The following KCNIP1 variants were observed in gnomAD, a reference collection of about 807,000 sequenced individuals.
KCNIP1 encodes A-type potassium channel modulatory protein KCNIP1.
Under a neutral mutation model 33.0 loss-of-function variants are expected in KCNIP1, and 18 were observed. That is an observed-to-expected ratio of 0.55 (90% CI 0.38 to 0.81). The LOEUF (loss-of-function observed/expected upper bound fraction) is 0.81, where lower values mean the gene tolerates loss of function less well. KCNIP1 is among the 30% of genes least tolerant of loss of function. KCNIP1 has a pLI of 0.00. For missense variants in KCNIP1, 238 were observed against 271.6 expected (o/e 0.88, Z 0.87); for synonymous variants, 93 against 98.3 (o/e 0.95, Z 0.32).
intron 1 of KCNIP1, among the ~76,000 whole-genome samples, chr5:170,461,852 A>T (rs1398438638): frequency 6.6e-6 from 1 of 152,124 alleles, no homozygotes; most frequent in Admixed American, 6.5e-5. Context: ...AAACAAAAAC[A>T]TATAGTGGGG....
chr5:170,691,542 GTAGGA>G (rs1160988810), intron 1 of KCNIP1, among the ~76,000 whole-genome samples: 1 of 152,172 alleles, frequency 6.6e-6, no homozygotes, highest in Non-Finnish European at 1.5e-5. Flanking sequence ...CAGGATACTG[GTAGGA>G]TTAGTTGAAA....
intron 1 of KCNIP1, among the ~76,000 whole-genome samples, chr5:170,411,303 T>C (rs1755182112): frequency 6.6e-6 from 1 of 152,204 alleles, no homozygotes; most frequent in Admixed American, 6.5e-5. Context: ...GAAGCTGAGG[T>C]TCAAAGATAT....
chr5:170,523,594 C>T (rs11953098), intron 1 of KCNIP1, among the ~76,000 whole-genome samples: 78,939 of 151,858 alleles, frequency 0.52, 21,821 homozygotes, highest in African/African-American at 0.72. Context: ...TCTCCTCCAC[C>T]CACTCCCTTA....
chr5:170,548,947 C>T (rs1014994285), intron 1 of KCNIP1, among the ~76,000 whole-genome samples: 43 of 152,134 alleles, frequency 2.8e-4, no homozygotes, highest in African/African-American at 8.2e-4. Flanking sequence ...ATGGGAGAAC[C>T]CTGATGCTGG....
intron 1 of KCNIP1, among the ~76,000 whole-genome samples, chr5:170,399,812 T>A (rs1163489475): frequency 6.6e-6 from 1 of 152,210 alleles, no homozygotes; most frequent in Non-Finnish European, 1.5e-5. Context: ...ATTTAAGCTA[T>A]TTTCCAGGTT....
intron 1 of KCNIP1, among the ~76,000 whole-genome samples, chr5:170,451,009 A>G (rs1391993501): frequency 6.6e-6 from 1 of 152,110 alleles, no homozygotes; most frequent in Non-Finnish European, 1.5e-5. Context: ...GGGGATCACA[A>G]CCTTGAAAAA....
In KCNIP1 at chr5:170,590,226, CAG is replaced by C. The variant is rs112277164; in HGVS notation, c.61+85594_61+85595del. On this transcript the variant is annotated intron_variant, in intron 1 of 7. Transcript: ENST00000328939. Reference sequence around the variant, plus strand: ...TTCCCAGGACCTACCCTCAGAGAGACAGGGGTCATTCCAGAGTATCTGGATAC... The same window carrying C: ...TTCCCAGGACCTACCCTCAGAGAGACGGGTCATTCCAGAGTATCTGGATAC... 4.8e-3 allele frequency among the ~76,000 whole-genome samples: 738 copies of C among 152,168 alleles called. 7 individuals are homozygous for C. The highest frequency in any genetic ancestry group is 0.017 in the African/African-American group (686 of 41,504).
chr5:170,729,636 T>C (rs1177571021), intron 5 of KCNIP1, among the ~76,000 whole-genome samples: 1 of 151,996 alleles, frequency 6.6e-6, no homozygotes, highest in East Asian at 1.9e-4. Context: ...TCAATACATA[T>C]ATTAGAGACC....
chr5:170,688,335 C>T (rs1762611350), intron 1 of KCNIP1, among the ~76,000 whole-genome samples: 1 of 152,196 alleles, frequency 6.6e-6, no homozygotes, highest in Admixed American at 6.5e-5. Context: ...ACAGAGGTCA[C>T]TAATCAGAAT....
chr5:170,592,483 G>A (rs547033554), intron 1 of KCNIP1, among the ~76,000 whole-genome samples: 7 of 152,268 alleles, frequency 4.6e-5, no homozygotes, highest in Middle Eastern at 6.8e-3. Context: ...CAAACCTAAC[G>A]CACATTTCAT....
intron 1 of KCNIP1, among the ~76,000 whole-genome samples, chr5:170,495,901 C>T (rs1156828112): frequency 6.6e-6 from 1 of 152,212 alleles, no homozygotes; most frequent in Admixed American, 6.5e-5. Context: ...CTTCCTCCTT[C>T]CCTCTTCCTG....
chr5:170,415,627 C>T lies in KCNIP1; in HGVS notation c.88+61663C>T, dbSNP rs185790284. On this transcript the variant is annotated intron_variant, in intron 1 of 7. Coordinates refer to the KCNIP1 transcript ENST00000377360. ...TGGTCCACACCAGTGTCAGGCCCAC[C>T]GTCCTATCAACCCTCCAGGCTCATG... Among the ~76,000 whole-genome samples, 22 of 152,304 alleles carry T rather than the reference C, an allele frequency of 1.4e-4. No homozygotes were observed. In the East Asian group the frequency reaches 1.7e-3, roughly 12 times the overall value.
chr5:170,705,051 T>C (rs939856077), intron 1 of KCNIP1, among the ~76,000 whole-genome samples: 1 of 152,252 alleles, frequency 6.6e-6, no homozygotes, highest in Non-Finnish European at 1.5e-5. Context: ...AAGTTCATAA[T>C]GTCTGATTTG....
chr5:170,404,312 A>AT (rs58231884), intron 1 of KCNIP1, among the ~76,000 whole-genome samples: 7 of 151,598 alleles, frequency 4.6e-5, no homozygotes, highest in East Asian at 3.9e-4. Context: ...TTTTTCCAAG[A>AT]TTTTTTTTTC....
intron 1 of KCNIP1, among the ~76,000 whole-genome samples, chr5:170,577,615 CAG>C (rs1368849820): frequency 3.3e-5 from 5 of 152,132 alleles, no homozygotes; most frequent in Non-Finnish European, 5.9e-5. Context: ...AACAAAGAAA[CAG>C]TGTTTTCTCA....
chr5:170,713,021 A>G (rs1307697792), intron 1 of KCNIP1: 6 of 745,182 alleles, frequency 8.1e-6, no homozygotes, highest in Non-Finnish European at 9.5e-6. Flanking sequence ...AGCCCCACAT[A>G]TATAGAAACA....
intron 1 of KCNIP1, among the ~76,000 whole-genome samples, chr5:170,359,019 C>T (rs976346537): frequency 3.3e-5 from 5 of 152,188 alleles, no homozygotes; most frequent in African/African-American, 9.7e-5. Flanking sequence ...AGAGCAGCCA[C>T]CTGTCATGCA....
At chr5:170,714,113 T>A (rs752913109) in intron 1 of KCNIP1, among the ~76,000 whole-genome samples, 1 of 151,510 alleles carries the variant, frequency 6.6e-6, no homozygotes, top group Admixed American at 6.6e-5. Flanking sequence ...AGGGAGGAGA[T>A]GGTCATGGTC....
At chr5:170,378,673 C>T in intron 1 of KCNIP1, 1 of 1,572,090 alleles carries the variant, frequency 6.4e-7, no homozygotes, top group Non-Finnish European at 8.6e-7. Flanking sequence ...CCCCTGTGCC[C>T]TGACAAGTGG....
Sources: gnomAD v4.1 joint callset for allele counts (sites outside exome capture counted in the v4.1 genomes callset) on GRCh38, gnomAD v4.1.1 for gene constraint, MANE v1.5 for transcripts, NCBI Gene and HGNC (gene_info 2026-07-23, HGNC 2026-07-21) for gene names.